Variants in ZNF469 observed in about 807,000 individuals in gnomAD.
ZNF469 encodes zinc finger protein 469.
In ZNF469, 1 loss-of-function variant was observed where a neutral mutation model predicts 1.0. The observed-to-expected ratio is 1.00, with a 90% CI of 0.35 to 4.73. The LOEUF (loss-of-function observed/expected upper bound fraction) is 4.73. Among genes scored for constraint, ZNF469 ranks in the 30% most tolerant of loss-of-function variants. ZNF469 has a pLI of 0.16. For missense variants in ZNF469, 6,100 were observed against 5,356.3 expected (o/e 1.14, Z -4.33); for synonymous variants, 2,703 against 2,363.4 (o/e 1.14, Z -4.17).
the ZNF469 span, among the ~76,000 whole-genome samples, chr16:88,108,976 C>G: frequency 2.6e-5 from 4 of 152,216 alleles, no homozygotes; most frequent in African/African-American, 4.8e-5. Context: ...CAAGTCACGC[C>G]ACATTCATGA....
the ZNF469 span, among the ~76,000 whole-genome samples, chr16:88,367,635 T>C: frequency 1.3e-5 from 2 of 152,136 alleles, no homozygotes; most frequent in African/African-American, 4.8e-5. Flanking sequence ...GGTGTTTGTG[T>C]GAGTGTTCTG....
the ZNF469 span, among the ~76,000 whole-genome samples, chr16:88,234,413 T>G: frequency 6.6e-4 from 101 of 152,368 alleles, no homozygotes; most frequent in African/African-American, 2.3e-3. Flanking sequence ...AGAAGACCTT[T>G]AGCTCAGAAC....
chr16:88,323,341 C>A, the ZNF469 span, among the ~76,000 whole-genome samples: 5 of 152,238 alleles, frequency 3.3e-5, no homozygotes, highest in African/African-American at 4.8e-5. Context: ...GGCCACAGAC[C>A]TGTCCTGACA....
chr16:88,229,322 C>T, the ZNF469 span, among the ~76,000 whole-genome samples: 3 of 152,236 alleles, frequency 2.0e-5, no homozygotes, highest in Non-Finnish European at 4.4e-5. Context: ...CAGGAACCTG[C>T]CACTCCTGGG....
At chr16:88,219,844 C>A in the ZNF469 span, among the ~76,000 whole-genome samples, 1 of 152,196 alleles carries the variant, frequency 6.6e-6, no homozygotes, top group African/African-American at 2.4e-5. Context: ...CAGCTCTTTC[C>A]TCTGTCCCCA....
the ZNF469 span, among the ~76,000 whole-genome samples, chr16:88,240,925 C>T: frequency 1.3e-5 from 2 of 152,176 alleles, no homozygotes; most frequent in Non-Finnish European, 2.9e-5. Flanking sequence ...CACAAGCCAC[C>T]TGCCACCGAG....
chr16:88,401,898 G>C (rs1206618964), intron 1 of ZNF469, among the ~76,000 whole-genome samples: 1 of 133,176 alleles, frequency 7.5e-6, no homozygotes, highest in Non-Finnish European at 1.6e-5. Flanking sequence ...GTGGGTGAGT[G>C]GATGGATGGA....
chr16:88,364,125 G>C, the ZNF469 span, among the ~76,000 whole-genome samples: 2 of 152,076 alleles, frequency 1.3e-5, no homozygotes, highest in African/African-American at 2.4e-5. Flanking sequence ...TTCACACTTA[G>C]AGCTAAGATT....
chr16:88,157,478 T>A, the ZNF469 span, among the ~76,000 whole-genome samples: 5 of 152,126 alleles, frequency 3.3e-5, no homozygotes, highest in Non-Finnish European at 7.4e-5. Flanking sequence ...TCTGTGTCAC[T>A]GTGGCTCAGA....
the ZNF469 span, among the ~76,000 whole-genome samples, chr16:88,244,712 G>A: frequency 1.1e-5 from 1 of 91,210 alleles, no homozygotes; most frequent in Non-Finnish European, 2.0e-5. Context: ...TGAATTGATG[G>A]GTGGATGGGT....
At chr16:88,382,065 C>T (rs1184392109), upstream of ZNF469, among the ~76,000 whole-genome samples, 2 of 152,248 alleles carry the variant, frequency 1.3e-5, no homozygotes, top group Non-Finnish European at 2.9e-5. Flanking sequence ...CCCCCACTGC[C>T]ACCCTATTTC....
chr16:88,331,821 C>G, the ZNF469 span, among the ~76,000 whole-genome samples: 2 of 151,946 alleles, frequency 1.3e-5, no homozygotes, highest in African/African-American at 4.8e-5. Flanking sequence ...ACCACCATCA[C>G]TATCATCACC....
the ZNF469 span, among the ~76,000 whole-genome samples, chr16:88,268,946 G>A: frequency 6.6e-6 from 1 of 152,236 alleles, no homozygotes; most frequent in Non-Finnish European, 1.5e-5. Flanking sequence ...GGCCTGGGCA[G>A]TGACATCACA....
the ZNF469 span, among the ~76,000 whole-genome samples, chr16:88,360,242 A>C: frequency 6.6e-6 from 1 of 150,882 alleles, no homozygotes; most frequent in Non-Finnish European, 1.5e-5. Flanking sequence ...CTGGTCTCAA[A>C]CTCCTGACCT....
chr16:88,184,289 G>C, the ZNF469 span, among the ~76,000 whole-genome samples: 12 of 152,166 alleles, frequency 7.9e-5, no homozygotes, highest in African/African-American at 2.7e-4. Flanking sequence ...TGTGGGGCTT[G>C]GGGCCACCAG....
chr16:88,396,112 G>A (rs960074905), intron 1 of ZNF469, among the ~76,000 whole-genome samples: 13 of 152,324 alleles, frequency 8.5e-5, no homozygotes, highest in South Asian at 2.1e-4. Flanking sequence ...GTCAAGCTGC[G>A]TTTTTCAGGT....
the ZNF469 span, among the ~76,000 whole-genome samples, chr16:88,132,492 C>G: frequency 2.6e-5 from 4 of 152,254 alleles, no homozygotes; most frequent in Non-Finnish European, 4.4e-5. Flanking sequence ...TGAGCCTTTC[C>G]CAACAACACG....
chr16:88,283,112 G>A, the ZNF469 span, among the ~76,000 whole-genome samples: 5 of 152,074 alleles, frequency 3.3e-5, no homozygotes, highest in African/African-American at 7.2e-5. Context: ...TATTTTAGTC[G>A]TTGACATTTA....
At chr16:88,352,815 C>T in the ZNF469 span, among the ~76,000 whole-genome samples, 1 of 152,228 alleles carries the variant, frequency 6.6e-6, no homozygotes, top group Non-Finnish European at 1.5e-5. Flanking sequence ...CCCGGCCTCA[C>T]AGCTCTGATG....
Sources: allele counts gnomAD v4.1 joint callset (sites outside exome capture counted in the v4.1 genomes callset), GRCh38; gene constraint gnomAD v4.1.1; transcripts MANE v1.5; gene names NCBI Gene and HGNC (gene_info 2026-07-23, HGNC 2026-07-21).